The following HCN2 variants were observed in gnomAD, a reference collection of about 807,000 sequenced individuals.
The protein encoded by HCN2 is potassium/sodium hyperpolarization-activated cyclic nucleotide-gated channel 2.
Under a neutral mutation model 52.3 loss-of-function variants are expected in HCN2, and 20 were observed. The observed-to-expected ratio is 0.38, with a 90% CI of 0.27 to 0.56. The LOEUF (loss-of-function observed/expected upper bound fraction) is 0.56. Ranked by LOEUF, HCN2 falls within the 20% of genes least tolerant of loss-of-function variation. The probability of loss-of-function intolerance (pLI) is 0.71; values close to 1 mark genes in which losing one functional copy is unlikely to be tolerated. For synonymous variants in HCN2, 694 were observed against 537.0 expected, an observed-to-expected ratio of 1.29 and a Z score of -4.04; for missense variants, 981 against 1,207.7, an observed-to-expected ratio of 0.81 and a Z score of 2.78.
intron 6 of HCN2, 77 bp from the exon 7 acceptor site, chr19:613,775 G>T: frequency 2.2e-6 from 3 of 1,388,676 alleles, no homozygotes; most frequent in Non-Finnish European, 2.8e-6. Flanking sequence ...AGGTGCAGAG[G>T]CCGGGCCGTG....
chr19:597,880 A>C (rs999398804), intron 1 of HCN2, among the ~76,000 whole-genome samples: 7 of 149,570 alleles, frequency 4.7e-5, no homozygotes, highest in African/African-American at 1.7e-4. Flanking sequence ...TCTCCTTGGC[A>C]GTTTCTAGGT....
rs1356342605 is a variant in HCN2, at chr19:604,476, AGGGGTG to A, written c.1056+513_1056+518del. On this transcript the variant is annotated intron_variant, in intron 2 of 7. Transcript: ENST00000251287. ...TGCTGCTGGGGTGGAGTCAAGCAGCAGGGGTGGGGCCGTGATATCTGGGTGGGGTCA... is the reference window on the plus strand; with the variant it reads ...TGCTGCTGGGGTGGAGTCAAGCAGCAGGGCCGTGATATCTGGGTGGGGTCA... 1.1e-4 allele frequency among the ~76,000 whole-genome samples: 5 copies of A among 44,992 alleles called. No individual in the cohort carries two copies. In the East Asian group the frequency reaches 2.4e-3, roughly 21 times the overall value. 29.5% of individuals were successfully genotyped at this position (44,992 alleles called of 152,430 possible).
chr19:593,773 C>T (rs983686405), intron 1 of HCN2, among the ~76,000 whole-genome samples: 11 of 152,036 alleles, frequency 7.2e-5, no homozygotes, highest in African/African-American at 2.7e-4. Context: ...GTTCAAGGAC[C>T]CAAGTTCAAG....
intron 7 of HCN2, 41 bp downstream of exon 7, chr19:614,057 G>A: frequency 1.4e-6 from 2 of 1,476,366 alleles, no homozygotes; most frequent in Non-Finnish European, 1.8e-6. Flanking sequence ...GTGCCCTGGC[G>A]GGGGAGGGGC....
intron 1 of HCN2, among the ~76,000 whole-genome samples, chr19:602,114 G>A (rs979570853): frequency 3.0e-5 from 4 of 132,642 alleles, no homozygotes; most frequent in Non-Finnish European, 6.4e-5. Flanking sequence ...CTCCTCCTGC[G>A]TGGACGCCCC....
chr19:616,951 G>A lies in HCN2; in HGVS notation c.*477G>A, dbSNP rs1263798122. The A allele has an allele frequency of 4.8e-6, 2 of 418,602 alleles. No individual in the cohort carries two copies. The highest frequency in any genetic ancestry group is 4.4e-6 in the Non-Finnish European group (1 of 226,998). The allele number at this position is 418,602 out of a possible 1,614,324, so 25.9% of individuals were successfully genotyped here. On this transcript the variant is annotated 3_prime_UTR_variant, in exon 8 of 8. Coordinates refer to ENST00000251287, the MANE Select transcript of HCN2 (RefSeq NM_001194.4). ...GGCCCCCGTCCGCGCGCGTCCCCCG[G>A]TGACCTCGGGGAGCAGCACCCCGCC...
chr19:616,591 G>C lies in HCN2; in HGVS notation c.*117G>C, dbSNP rs1420737436. The C allele has an allele frequency of 3.5e-6, 2 of 572,006 alleles. No homozygotes were observed. Among genetic ancestry groups the C allele is most frequent in the South Asian group, 1.5e-4 (2 of 13,092 alleles). The allele number at this position is 572,006 out of a possible 1,614,324, so 35.4% of individuals were successfully genotyped here. A position where few individuals can be genotyped will look rare whatever the true frequency, so the allele number is the denominator to read the frequency against. On this transcript the variant is annotated 3_prime_UTR_variant, in exon 8 of 8. Coordinates refer to ENST00000251287, the MANE Select transcript of HCN2 (RefSeq NM_001194.4). Reference sequence around the variant, plus strand: ...TCCGCCCAGAAGCCATAGACGAGACGTAGGTAGCCGTAGTTGGACGGACGG... The same window carrying C: ...TCCGCCCAGAAGCCATAGACGAGACCTAGGTAGCCGTAGTTGGACGGACGG...
intron 7 of HCN2, among the ~76,000 whole-genome samples, chr19:614,822 C>T (rs1388431490): frequency 8.6e-5 from 13 of 151,916 alleles, no homozygotes; most frequent in East Asian, 1.9e-4. Context: ...GGGGGGCAGT[C>T]TCTGGGGCAG....
At chr19:611,263 G>A (rs375549282) in intron 5 of HCN2, among the ~76,000 whole-genome samples, 48 of 152,242 alleles carry the variant, frequency 3.2e-4, no homozygotes, top group Non-Finnish European at 5.4e-4. Flanking sequence ...GTGCCCTGCC[G>A]TGTGCTTGAA....
At position 617,154 on chromosome 19, in the gene HCN2, C is replaced by T. The variant is rs972922904; in HGVS notation, c.*680C>T. The T allele has an allele frequency of 7.1e-6, 6 of 849,328 alleles. No individual in the cohort carries two copies. The highest frequency in any genetic ancestry group is 1.7e-5 in the African/African-American group (1 of 57,238). 52.6% of individuals were successfully genotyped at this position (849,328 alleles called of 1,614,324 possible). ...TCCGCGCAATAAACGACAGCATTGG[C>T]GCCAAGCCTGGCCGCGTGTGATTGC... On this transcript the variant is annotated 3_prime_UTR_variant, in exon 8 of 8. Transcript: ENST00000251287.
Position 590,522 on chromosome 19 carries a change from C to A in HCN2, c.577C>A (p.Gln193Lys). 6.6e-7 allele frequency: 1 copy of A among 1,514,924 alleles called. No homozygotes were observed. Among genetic ancestry groups the A allele is most frequent in the Non-Finnish European group, 8.9e-7 (1 of 1,125,420 alleles). 93.8% of individuals were successfully genotyped at this position (1,514,924 alleles called of 1,614,324 possible). Residue 193 changes from glutamine to lysine, a missense_variant, in exon 1 of 8, where the codon CAG becomes AAG. Physicochemically the swap from Gln to Lys is moderately conservative, Grantham distance 53 (BLOSUM62 1). Transcript: ENST00000251287. The surrounding 1 kb of genome is among the most constrained non-coding windows in gnomAD (Gnocchi z 7.2). ...FGSQKAVEREQERVKSAGAWI... is the reference protein window; with the variant it reads ...FGSQKAVEREKERVKSAGAWI... ...CAGCCAGAAGGCCGTGGAGCGCGAGCAGGAGCGCGTCAAGTCGGCGGGGGC... is the reference window on the plus strand; with the variant it reads ...CAGCCAGAAGGCCGTGGAGCGCGAGAAGGAGCGCGTCAAGTCGGCGGGGGC...
intron 7 of HCN2, among the ~76,000 whole-genome samples, 198 bp downstream of exon 7, chr19:614,214 G>T (rs950323018): frequency 6.6e-6 from 1 of 152,168 alleles, no homozygotes; most frequent in African/African-American, 2.4e-5. Context: ...CAGGGGCAGC[G>T]GCTGGCCGCT....
intron 1 of HCN2, 106 bp from the exon 2 acceptor site, chr19:603,438 C>T: frequency 2.4e-6 from 2 of 838,524 alleles, no homozygotes; most frequent in East Asian, 2.6e-5. Context: ...GAGGCACTGG[C>T]TCGAGGTGTG....
rs1018450428 is a variant in HCN2, at chr19:592,375, G to A, written c.632+1798G>A. 4.6e-5 allele frequency among the ~76,000 whole-genome samples: 7 copies of A among 152,244 alleles called. No homozygotes were observed. The highest frequency in any genetic ancestry group is 2.6e-4 in the Admixed American group (4 of 15,288). ...GGGCGGTCGGTGGCCTGGGGGGCAGGTGGGCAGATGGCTGATCCCGGGGCT... is the reference window on the plus strand; with the variant it reads ...GGGCGGTCGGTGGCCTGGGGGGCAGATGGGCAGATGGCTGATCCCGGGGCT... On this transcript the variant is annotated intron_variant, in intron 1 of 7. Transcript: ENST00000251287. The surrounding 1 kb of genome is among the most constrained non-coding windows in gnomAD (Gnocchi z 4.8).
Position 590,676 on chromosome 19 carries a change from C to A in HCN2, c.632+99C>A. 1 of 984,028 alleles carries A rather than the reference C, an allele frequency of 1.0e-6. No homozygotes were observed. The highest frequency in any genetic ancestry group is 3.7e-5 in the East Asian group (1 of 26,854). 61.0% of individuals were successfully genotyped at this position (984,028 alleles called of 1,614,324 possible). On this transcript the variant is annotated intron_variant, in intron 1 of 7. Transcript: ENST00000251287. This position sits in a 1 kb window ranked among gnomAD's most constrained non-coding sequence, Gnocchi z 7.2. ...CGCCTGGGGAGGGCGGGGCGGCGCG[C>A]CGGGCCGGTGACCTCGGGGCTCCTC...
intron 5 of HCN2, among the ~76,000 whole-genome samples, chr19:611,911 C>T (rs530509053): frequency 2.8e-4 from 43 of 152,108 alleles, no homozygotes; most frequent in African/African-American, 5.1e-4. Context: ...TTTCAGAGGC[C>T]GAGACGGGCA....
rs143343881 is a variant in HCN2 at position 603,718 on chromosome 19, C to G, written c.807C>G (p.Ile269Met). 3.7e-6 allele frequency: 6 copies of G among 1,612,750 alleles called. No homozygotes were observed. Among genetic ancestry groups the G allele is most frequent in the Non-Finnish European group, 5.1e-6 (6 of 1,179,786 alleles). The change falls in exon 2 of 8, where the codon ATC becomes ATG. Residue 269 changes from isoleucine to methionine, a missense_variant. Ile to Met is a conservative substitution (Grantham distance 10, BLOSUM62 1). Transcript: ENST00000251287. ...LVLNFRTGIV[I>M]EDNTEIILDP... ...TGAACTTCCGCACCGGCATTGTGAT[C>G]GAGGACAACACGGAGATCATCCTGG...
chr19:607,313 C>T (rs1035220975), intron 3 of HCN2, among the ~76,000 whole-genome samples: 23 of 152,382 alleles, frequency 1.5e-4, no homozygotes, highest in African/African-American at 5.0e-4. Flanking sequence ...TTGTCCCTGC[C>T]TGGGGAGTGC....
In HCN2 at chr19:616,360, CG is replaced by C; in HGVS notation, c.2557del (p.Ala853LeufsTer74). 1 of 1,218,458 alleles carries C rather than the reference CG, an allele frequency of 8.2e-7. No homozygotes were observed. 75.5% of individuals were successfully genotyped at this position (1,218,458 alleles called of 1,614,324 possible). A position where few individuals can be genotyped will look rare whatever the true frequency, so the allele number is the denominator to read the frequency against. The stretch of plus-strand genomic sequence containing the variant: ...CCACACCGCGCTTGGGGCCCACGCC[CG>C]CTGCCCGGGCCGCCGCGCCCAGCCC... Reference protein sequence around the residue: ...SSTPRLGPTPAARAAAPSPDR... With the variant: ...SSTPRLGPTPXARAAAPSPDR... On this transcript the variant is annotated frameshift_variant, in exon 8 of 8. Coordinates refer to ENST00000251287, the MANE Select transcript of HCN2 (RefSeq NM_001194.4). LOFTEE classifies it low-confidence loss of function (END_TRUNC).
Sources: allele counts gnomAD v4.1 joint callset (sites outside exome capture counted in the v4.1 genomes callset), GRCh38; gene constraint gnomAD v4.1.1; non-coding constraint Gnocchi (gnomAD v3.1); transcripts MANE v1.5; gene names NCBI Gene and HGNC (gene_info 2026-07-23, HGNC 2026-07-21).